The following TMEM232 variants were observed in gnomAD, a reference collection of about 807,000 sequenced individuals.
TMEM232 encodes the protein transmembrane protein 232.
Under a neutral mutation model 78.8 loss-of-function variants are expected in TMEM232, and 80 were observed. The ratio of observed to expected loss-of-function variants is 1.01; its 90% confidence interval spans 0.85 to 1.22. TMEM232 has a LOEUF of 1.22. Among genes scored for constraint, TMEM232 ranks in the 50% most tolerant of loss-of-function variants. The pLI is 0.00. For synonymous variants in TMEM232, 297 were observed against 254.3 expected (o/e 1.17, Z -1.60); for missense variants, 881 against 742.2 (o/e 1.19, Z -2.17).
At chr5:110,526,882 C>T (rs1006489547) in intron 12 of TMEM232, among the ~76,000 whole-genome samples, 3 of 151,724 alleles carry the variant, frequency 2.0e-5, no homozygotes, top group Non-Finnish European at 4.4e-5. Context: ...ATGATAATAA[C>T]TAGAAAATTC....
intron 11 of TMEM232, among the ~76,000 whole-genome samples, chr5:110,543,075 T>C (rs1277032699): frequency 6.6e-6 from 1 of 152,180 alleles, no homozygotes; most frequent in Non-Finnish European, 1.5e-5. Context: ...TTGTTTTGTT[T>C]GTGCATTTTG....
intron 12 of TMEM232, among the ~76,000 whole-genome samples, chr5:110,466,892 T>C (rs539349017): frequency 1.5e-5 from 2 of 134,896 alleles, no homozygotes; most frequent in Non-Finnish European, 3.0e-5. Flanking sequence ...GCTTGAACTA[T>C]AGTATTTGTG....
intron 1 of TMEM232, among the ~76,000 whole-genome samples, chr5:110,689,718 C>T (rs1017693562): frequency 6.6e-5 from 10 of 152,152 alleles, no homozygotes; most frequent in Admixed American, 2.6e-4. Flanking sequence ...AGGCATCACA[C>T]TACCTGACTT....
intron 12 of TMEM232, among the ~76,000 whole-genome samples, chr5:110,442,494 A>T (rs1352107618): frequency 6.6e-6 from 1 of 152,044 alleles, no homozygotes; most frequent in African/African-American, 2.4e-5. Context: ...TCTTTTTGTT[A>T]AACTTATCTG....
At chr5:110,490,923 G>C (rs1041064579) in intron 12 of TMEM232, among the ~76,000 whole-genome samples, 1 of 151,974 alleles carries the variant, frequency 6.6e-6, no homozygotes, top group Non-Finnish European at 1.5e-5. Context: ...CCTTGGATTA[G>C]GCAATAGTTA....
chr5:110,497,019 A>G (rs969339826), intron 12 of TMEM232, among the ~76,000 whole-genome samples: 1 of 152,046 alleles, frequency 6.6e-6, no homozygotes, highest in African/African-American at 2.4e-5. Flanking sequence ...CTGACTGATC[A>G]ATAGTAAATC....
chr5:110,620,577 ATCTCTCTCTCTCTCTCTCTCTCTCTCTC>A (rs66736608), intron 7 of TMEM232, among the ~76,000 whole-genome samples: 21 of 43,138 alleles, frequency 4.9e-4, no homozygotes, highest in Middle Eastern at 0.025. Flanking sequence ...TGTCTCTCAT[ATCTCTCTCTCTCTCTCTCTCTCTCTCTC>A]TCTCTCTCTC....
intron 7 of TMEM232, among the ~76,000 whole-genome samples, chr5:110,623,967 A>G (rs1199184024): frequency 6.6e-6 from 1 of 152,162 alleles, no homozygotes; most frequent in African/African-American, 2.4e-5. Context: ...GCCCCTTCTA[A>G]TTCAGGCTGA....
At chr5:110,639,517 G>A (rs1786369543) in intron 4 of TMEM232, among the ~76,000 whole-genome samples, 1 of 152,152 alleles carries the variant, frequency 6.6e-6, no homozygotes, top group Non-Finnish European at 1.5e-5. Context: ...TCATGTGCAT[G>A]AGGACTGTGA....
chr5:110,586,568 T>TCACA (rs61213708), intron 10 of TMEM232, among the ~76,000 whole-genome samples: 93 of 148,496 alleles, frequency 6.3e-4, no homozygotes, highest in Middle Eastern at 3.4e-3. Context: ...ACACACCCTT[T>TCACA]CACACACACA....
At chr5:110,568,937 AAAGAGG>A (rs1242007398) in intron 10 of TMEM232, among the ~76,000 whole-genome samples, 2 of 151,934 alleles carry the variant, frequency 1.3e-5, no homozygotes, top group African/African-American at 4.8e-5. Context: ...GAATTCAAGT[AAAGAGG>A]AATCTGTTCA....
intron 1 of TMEM232, among the ~76,000 whole-genome samples, chr5:110,669,634 G>C (rs574571413): frequency 4.1e-4 from 63 of 152,218 alleles, no homozygotes; most frequent in African/African-American, 1.4e-3. Context: ...CATTTTATGA[G>C]GCCAGCATCA....
intron 12 of TMEM232, among the ~76,000 whole-genome samples, chr5:110,462,876 A>C (rs1307368418): frequency 6.6e-6 from 1 of 152,224 alleles, no homozygotes. Flanking sequence ...AATTGCGGCA[A>C]ACTCATGATC....
chr5:110,648,426 C>T (rs1249828708), intron 2 of TMEM232, among the ~76,000 whole-genome samples: 2 of 151,960 alleles, frequency 1.3e-5, no homozygotes, highest in East Asian at 3.8e-4. Context: ...GAAATATGTC[C>T]TATGTACCAG....
At chr5:110,734,913 G>C (rs528425265) in exon 2 of TMEM232, 1 of 152,076 alleles carries the variant, frequency 6.6e-6, no homozygotes, top group Non-Finnish European at 1.5e-5. Context: ...CAGGCAGGGC[G>C]CAGTGGCTCA....
intron 10 of TMEM232, among the ~76,000 whole-genome samples, chr5:110,584,884 C>A (rs1778631527): frequency 6.6e-6 from 1 of 151,700 alleles, no homozygotes; most frequent in East Asian, 1.9e-4. Flanking sequence ...CTTATTTTTT[C>A]TTCTCTGCTA....
At chr5:110,483,612 G>A (rs1048836561) in intron 12 of TMEM232, among the ~76,000 whole-genome samples, 1 of 152,034 alleles carries the variant, frequency 6.6e-6, no homozygotes, top group Non-Finnish European at 1.5e-5. Context: ...GGTGGGGGAA[G>A]GGGGGAGGGA....
In TMEM232 at chr5:110,605,253, G is replaced by T. The variant is rs573828833; in HGVS notation, c.1132C>A (p.Arg378=). Residue 378 remains arginine (R), a synonymous_variant, in exon 10 of 14, where the codon CGA becomes AGA. Coordinates refer to ENST00000455884, the MANE Select transcript of TMEM232 (RefSeq NM_001039763.4). ...ICLYAATSDL[R]KTALIGFCHC... ...CAGAAACCAATTAAAGCAGTTTTTCGCAAATCAGAAGTGGCTGCATACAAG... is the reference window on the plus strand; with the variant it reads ...CAGAAACCAATTAAAGCAGTTTTTCTCAAATCAGAAGTGGCTGCATACAAG... 1.9e-6 allele frequency: 3 copies of T among 1,551,060 alleles called. No individual in the cohort carries two copies. The highest frequency in any genetic ancestry group is 1.2e-5 in the South Asian group (1 of 84,052).
At chr5:110,625,557 T>A in intron 6 of TMEM232, 124 bp from the exon 7 acceptor site, 1 of 859,540 alleles carries the variant, frequency 1.2e-6, no homozygotes, top group South Asian at 2.5e-5. Flanking sequence ...GCTAGTTTCC[T>A]ATTTAAGATT....
Sources: gnomAD v4.1 joint callset for allele counts (sites outside exome capture counted in the v4.1 genomes callset) on GRCh38, gnomAD v4.1.1 for gene constraint, MANE v1.5 for transcripts, NCBI Gene and HGNC (gene_info 2026-07-23, HGNC 2026-07-21) for gene names.